TECRL: variants seen among roughly 807,000 people sequenced by gnomAD.
The protein encoded by TECRL is trans-2,3-enoyl-CoA reductase like, also known as trans-2,3-enoyl-CoA reductase-like.
In TECRL, 63 loss-of-function variants were observed where a neutral mutation model predicts 52.8. The ratio of observed to expected loss-of-function variants is 1.19; its 90% CI spans 0.97 to 1.47. The LOEUF is 1.47. TECRL is among the 40% of genes most tolerant of loss of function. The pLI is 0.00. For missense variants in TECRL, 482 were observed against 429.6 expected (o/e 1.12, Z -1.08); for synonymous variants, 164 against 141.9 (o/e 1.16, Z -1.10).
intron 1 of TECRL, among the ~76,000 whole-genome samples, chr4:64,390,994 T>C (rs1431604199): frequency 6.6e-6 from 1 of 151,894 alleles, no homozygotes; most frequent in Non-Finnish European, 1.5e-5. Context: ...TATTTCTGCA[T>C]CATTGGCTCA....
chr4:64,293,649 A>G, intron 8 of TECRL, among the ~76,000 whole-genome samples: 1 of 114,260 alleles, frequency 8.8e-6, no homozygotes, highest in African/African-American at 2.6e-5. Flanking sequence ...CCACTTTTAC[A>G]ATATTTAAAT....
At chr4:64,288,316 A>G (rs1374347934) in intron 9 of TECRL, among the ~76,000 whole-genome samples, 2 of 152,116 alleles carry the variant, frequency 1.3e-5, no homozygotes, top group African/African-American at 4.8e-5. Flanking sequence ...GTGACCGGCT[A>G]TCAGAAGTTG....
At chr4:64,381,334 A>G (rs2109706504) in intron 1 of TECRL, among the ~76,000 whole-genome samples, 1 of 151,760 alleles carries the variant, frequency 6.6e-6, no homozygotes, top group Middle Eastern at 3.4e-3. Context: ...GTCATCTACA[A>G]AGGACAACTT....
At chr4:64,385,114 G>C (rs1723083748) in intron 1 of TECRL, among the ~76,000 whole-genome samples, 1 of 152,096 alleles carries the variant, frequency 6.6e-6, no homozygotes, top group African/African-American at 2.4e-5. Context: ...CAATCCTCCA[G>C]TTCCTGCACA....
chr4:64,365,208 T>TA (rs61388326), intron 2 of TECRL, among the ~76,000 whole-genome samples: 127,540 of 146,294 alleles, frequency 0.87, 56,456 homozygotes, highest in East Asian at 0.98. Context: ...TGCTTCATGT[T>TA]AAAAAAAAAA....
At chr4:64,345,361 A>C (rs1463962824) in intron 2 of TECRL, among the ~76,000 whole-genome samples, 4 of 152,044 alleles carry the variant, frequency 2.6e-5, no homozygotes, top group African/African-American at 4.8e-5. Flanking sequence ...CCATGGAATA[A>C]TATGCAGCCA....
intron 1 of TECRL, among the ~76,000 whole-genome samples, chr4:64,396,786 G>T (rs1485990070): frequency 2.0e-5 from 3 of 152,070 alleles, no homozygotes; most frequent in Non-Finnish European, 2.9e-5. Flanking sequence ...TACAGTTTTA[G>T]GTTTCACATT....
chr4:64,278,421 T>C lies in TECRL; in HGVS notation c.*1651A>G, dbSNP rs888555841. On this transcript the variant is annotated 3_prime_UTR_variant, in exon 12 of 12. Transcript: ENST00000381210. ...AATAATGAGATTCAAGTAATTTAAA[T>C]GTCAAAACTTTAAAAAATATTTACT... The C allele has an allele frequency of 4.1e-6, 1 of 244,626 alleles. No homozygotes were observed. The highest frequency in any genetic ancestry group is 2.3e-5 in the African/African-American group (1 of 43,090). The allele number at this position is 244,626 out of a possible 1,614,324, so 15.2% of individuals were successfully genotyped here.
At chr4:64,374,081 A>ATATT in intron 2 of TECRL, among the ~76,000 whole-genome samples, 1 of 101,178 alleles carries the variant, frequency 9.9e-6, no homozygotes, top group African/African-American at 3.8e-5. Context: ...ATATATATAT[A>ATATT]TTTATCTTTT....
At chr4:64,376,654 G>A (rs1002169419) in intron 1 of TECRL, among the ~76,000 whole-genome samples, 9 of 151,748 alleles carry the variant, frequency 5.9e-5, no homozygotes, top group Admixed American at 1.3e-4. Context: ...ATTCCCCAGA[G>A]TAACAAATAT....
intron 2 of TECRL, among the ~76,000 whole-genome samples, chr4:64,342,384 T>C (rs1173512866): frequency 6.6e-6 from 1 of 152,080 alleles, no homozygotes; most frequent in African/African-American, 2.4e-5. Context: ...TTTAAATAGA[T>C]GCATGGCCTT....
chr4:64,329,982 A>T (rs1479044529), intron 2 of TECRL, among the ~76,000 whole-genome samples: 1 of 151,814 alleles, frequency 6.6e-6, no homozygotes. Context: ...TATTTACTGT[A>T]CTATTTACTG....
At chr4:64,393,694 C>T (rs1347386078) in intron 1 of TECRL, among the ~76,000 whole-genome samples, 1 of 151,410 alleles carries the variant, frequency 6.6e-6, no homozygotes, top group Admixed American at 6.6e-5. Context: ...TATAATGAAT[C>T]TAATATATTT....
At chr4:64,391,080 A>G (rs1275096566) in intron 1 of TECRL, among the ~76,000 whole-genome samples, 3 of 151,818 alleles carry the variant, frequency 2.0e-5, no homozygotes, top group Non-Finnish European at 3.0e-5. Context: ...AACTATGTGG[A>G]TTGCATGCTC....
chr4:64,404,233 A>T (rs1373358916), intron 1 of TECRL, among the ~76,000 whole-genome samples: 2 of 151,538 alleles, frequency 1.3e-5, no homozygotes, highest in South Asian at 2.1e-4. Flanking sequence ...AAAAAAAAAA[A>T]AAACAATAGG....
At chr4:64,287,958 C>T (rs769271617) in intron 9 of TECRL, among the ~76,000 whole-genome samples, 14 of 151,946 alleles carry the variant, frequency 9.2e-5, no homozygotes, top group Non-Finnish European at 1.8e-4. Context: ...ACCAGCCTGG[C>T]CAACATGGCG....
intron 3 of TECRL, among the ~76,000 whole-genome samples, chr4:64,323,244 A>C (rs1718029787): frequency 6.6e-6 from 1 of 151,844 alleles, no homozygotes; most frequent in South Asian, 2.1e-4. Flanking sequence ...AAAACAGAAA[A>C]AAATTAGCCA....
chr4:64,378,277 G>C (rs1235200647), intron 1 of TECRL, among the ~76,000 whole-genome samples: 1 of 151,976 alleles, frequency 6.6e-6, no homozygotes, highest in Non-Finnish European at 1.5e-5. Context: ...TCCATTAGAA[G>C]ATTTTAGGCC....
intron 1 of TECRL, among the ~76,000 whole-genome samples, chr4:64,407,481 T>A (rs1393649630): frequency 7.3e-6 from 1 of 137,872 alleles, no homozygotes; most frequent in African/African-American, 2.7e-5. Context: ...AGGAACTAAT[T>A]GGCATGTGTG....
Sources: allele counts gnomAD v4.1 joint callset (sites outside exome capture counted in the v4.1 genomes callset), GRCh38; gene constraint gnomAD v4.1.1; transcripts MANE v1.5; gene names NCBI Gene and HGNC (gene_info 2026-07-23, HGNC 2026-07-21).